The following LAMA2 variants were observed in gnomAD, a reference collection of about 807,000 sequenced individuals.
LAMA2 encodes laminin subunit alpha 2.
A neutral mutation model predicts 364.8 loss-of-function variants in LAMA2; 269 were observed. The ratio of observed to expected loss-of-function variants is 0.74; its 90% CI spans 0.67 to 0.82. The LOEUF (loss-of-function observed/expected upper bound fraction) is 0.82. Ranked by LOEUF, LAMA2 falls within the 40% of genes least tolerant of loss-of-function variation. LAMA2 has a pLI of 0.00. For missense variants in LAMA2, 3,807 were observed against 3,873.2 expected (o/e 0.98, Z 0.45); for synonymous variants, 1,379 against 1,370.6 (o/e 1.01, Z -0.14).
chr6:129,329,481 C>T (rs1004137485), intron 29 of LAMA2, among the ~76,000 whole-genome samples: 6 of 152,174 alleles, frequency 3.9e-5, no homozygotes, highest in African/African-American at 1.2e-4. Flanking sequence ...CATGCCTCAG[C>T]CTCCTGAGTA....
At chr6:129,298,813 A>C (rs1773366713) in intron 21 of LAMA2, among the ~76,000 whole-genome samples, 1 of 68,098 alleles carries the variant, frequency 1.5e-5, no homozygotes, top group African/African-American at 3.3e-5. Flanking sequence ...AGCCATGATA[A>C]GTTATTCTAA....
At chr6:128,941,632 AAT>A (rs368885266) in intron 1 of LAMA2, among the ~76,000 whole-genome samples, 268 of 152,348 alleles carry the variant, frequency 1.8e-3, no homozygotes, top group African/African-American at 6.3e-3. Context: ...AAACAAAAAA[AAT>A]AAATGACATT....
chr6:128,944,634 A>G (rs1014506549), intron 1 of LAMA2, among the ~76,000 whole-genome samples: 2 of 151,238 alleles, frequency 1.3e-5, no homozygotes, highest in Non-Finnish European at 2.9e-5. Flanking sequence ...CTCTGCTAAA[A>G]GTAGAAAAAA....
chr6:129,199,036 C>T (rs1200137931), intron 12 of LAMA2, among the ~76,000 whole-genome samples: 1 of 152,008 alleles, frequency 6.6e-6, no homozygotes, highest in African/African-American at 2.4e-5. Flanking sequence ...AAAATCTTGA[C>T]AAGAGGACTA....
At chr6:129,136,967 GTGACCTGTGGT>G (rs2114946840) in intron 4 of LAMA2, among the ~76,000 whole-genome samples, 1 of 152,222 alleles carries the variant, frequency 6.6e-6, no homozygotes, top group Non-Finnish European at 1.5e-5. Flanking sequence ...TCACCCATCC[GTGACCTGTGGT>G]CACAGTGTTA....
chr6:129,344,188 A>G (rs1776419903), intron 30 of LAMA2, among the ~76,000 whole-genome samples: 1 of 152,240 alleles, frequency 6.6e-6, no homozygotes, highest in African/African-American at 2.4e-5. Context: ...AATGAATTGA[A>G]ACAGGCAAAT....
At chr6:128,962,008 G>A (rs1178280853) in intron 1 of LAMA2, among the ~76,000 whole-genome samples, 1 of 147,504 alleles carries the variant, frequency 6.8e-6, no homozygotes, top group Non-Finnish European at 1.5e-5. Flanking sequence ...GCTGTGGTTT[G>A]CTCCTCCCCT....
At chr6:129,041,234 AT>A (rs1787070172) in intron 1 of LAMA2, among the ~76,000 whole-genome samples, 1 of 152,204 alleles carries the variant, frequency 6.6e-6, no homozygotes, top group South Asian at 2.1e-4. Context: ...AGACCCCTTA[AT>A]TGTTCAATGA....
intron 1 of LAMA2, among the ~76,000 whole-genome samples, chr6:128,897,674 C>T (rs370917347): frequency 2.3e-4 from 35 of 152,286 alleles, no homozygotes; most frequent in African/African-American, 7.9e-4. Context: ...AGCTTTTCTT[C>T]ACATAAGGAA....
Position 128,929,401 on chromosome 6 carries a change from T to C in LAMA2, c.112+46044T>C, listed in dbSNP as rs1396686192. On this transcript the variant is annotated intron_variant, in intron 1 of 64. Transcript: ENST00000421865. ...TCATCAGTCATGTGAGGATGAGTGA[T>C]AGCACACCTCCATCTTTGAGTAGCT... 2.6e-5 allele frequency: 23 copies of C among 896,912 alleles called. 1 individual carries two copies. Among genetic ancestry groups the C allele is most frequent in the Middle Eastern group, 2.2e-4 (1 of 4,464 alleles). 55.6% of individuals were successfully genotyped at this position (896,912 alleles called of 1,614,324 possible).
intron 41 of LAMA2, 114 bp from the exon 42 acceptor site, chr6:129,438,532 C>T (rs1049733463): frequency 3.3e-6 from 2 of 610,554 alleles, no homozygotes; most frequent in Admixed American, 2.7e-5. Flanking sequence ...AAATTAAATA[C>T]ATTTTCTTGC....
intron 1 of LAMA2, among the ~76,000 whole-genome samples, chr6:128,962,185 T>TACACAC (rs1554335791): frequency 9.6e-6 from 1 of 103,918 alleles, no homozygotes; most frequent in African/African-American, 3.7e-5. Flanking sequence ...TATATATATA[T>TACACAC]ACACACATAC....
intron 1 of LAMA2, among the ~76,000 whole-genome samples, chr6:128,983,041 T>C (rs1782995613): frequency 6.6e-6 from 1 of 151,530 alleles, no homozygotes; most frequent in Admixed American, 6.6e-5. Context: ...GTTCCAAGTC[T>C]TTGCTATTGT....
intron 9 of LAMA2, among the ~76,000 whole-genome samples, chr6:129,168,282 G>GT (rs1442268366): frequency 6.7e-6 from 1 of 150,028 alleles, no homozygotes; most frequent in Admixed American, 6.6e-5. Flanking sequence ...TTCTTCTAGG[G>GT]TTTTTATGGT....
intron 18 of LAMA2, among the ~76,000 whole-genome samples, chr6:129,285,696 T>A (rs956511980): frequency 6.6e-6 from 1 of 152,144 alleles, no homozygotes; most frequent in Non-Finnish European, 1.5e-5. Flanking sequence ...AAGCTCTGAA[T>A]ATTAAATAAG....
At chr6:129,296,268 C>G (rs924434080) in intron 20 of LAMA2, among the ~76,000 whole-genome samples, 1 of 151,796 alleles carries the variant, frequency 6.6e-6, no homozygotes, top group Non-Finnish European at 1.5e-5. Context: ...GATTATTTCT[C>G]TAAGCCAGGT....
chr6:129,110,259 C>T (rs1237402793), intron 4 of LAMA2, among the ~76,000 whole-genome samples: 1 of 151,910 alleles, frequency 6.6e-6, no homozygotes, highest in Non-Finnish European at 1.5e-5. Context: ...AATATTTATT[C>T]TCTACATAAA....
chr6:129,032,680 G>A (rs1786321566), intron 1 of LAMA2, among the ~76,000 whole-genome samples: 1 of 152,168 alleles, frequency 6.6e-6, no homozygotes, highest in South Asian at 2.1e-4. Flanking sequence ...AAGGATAAGG[G>A]TAGTCAGCAG....
chr6:129,490,477 G>C (rs989048558), intron 56 of LAMA2, among the ~76,000 whole-genome samples: 4 of 152,176 alleles, frequency 2.6e-5, no homozygotes, highest in Admixed American at 1.3e-4. Flanking sequence ...ACCAGAAAGA[G>C]GAAGGCCTCT....
Sources: allele counts gnomAD v4.1 joint callset (sites outside exome capture counted in the v4.1 genomes callset), GRCh38; gene constraint gnomAD v4.1.1; transcripts MANE v1.5; gene names NCBI Gene and HGNC (gene_info 2026-07-23, HGNC 2026-07-21).